PTPRT: variants seen among roughly 807,000 people sequenced by gnomAD.
The protein encoded by PTPRT is receptor-type tyrosine-protein phosphatase T.
Under a neutral mutation model 176.8 loss-of-function variants are expected in PTPRT, and 56 were observed. That is an observed-to-expected ratio of 0.32 (90% confidence interval 0.26 to 0.40). PTPRT has a LOEUF of 0.40. Ranked by LOEUF, PTPRT falls within the 10% of genes least tolerant of loss-of-function variation. PTPRT has a pLI of 1.00. For missense variants in PTPRT, 1,540 were observed against 1,908.2 expected (o/e 0.81, Z 3.60); for synonymous variants, 783 against 739.0 (o/e 1.06, Z -0.96).
At chr20:42,998,356 G>A (rs909533764) in intron 1 of PTPRT, among the ~76,000 whole-genome samples, 7 of 151,986 alleles carry the variant, frequency 4.6e-5, no homozygotes, top group Admixed American at 2.0e-4. Flanking sequence ...ATGATTCTGC[G>A]GTAAGCTGAG....
intron 27 of PTPRT, among the ~76,000 whole-genome samples, chr20:42,091,718 T>G (rs1265492647): frequency 3.3e-5 from 5 of 152,162 alleles, no homozygotes; most frequent in African/African-American, 9.7e-5. Flanking sequence ...TATAATTGGC[T>G]TTGATACTAT....
At chr20:42,870,642 T>C (rs1270510714) in intron 2 of PTPRT, among the ~76,000 whole-genome samples, 1 of 152,262 alleles carries the variant, frequency 6.6e-6, no homozygotes, top group Non-Finnish European at 1.5e-5. Flanking sequence ...CACACAATGA[T>C]GAAATTGCAT....
At chr20:42,738,773 A>C (rs543455488) in intron 6 of PTPRT, among the ~76,000 whole-genome samples, 2 of 152,216 alleles carry the variant, frequency 1.3e-5, no homozygotes, top group Admixed American at 1.3e-4. Flanking sequence ...ATACTAATTT[A>C]ACAAAGTGGC....
intron 1 of PTPRT, among the ~76,000 whole-genome samples, chr20:42,975,163 T>C (rs1982875838): frequency 6.6e-6 from 1 of 152,202 alleles, no homozygotes; most frequent in Non-Finnish European, 1.5e-5. Flanking sequence ...TTGTTTTCCA[T>C]TGCTTTGAAA....
At position 42,456,763 on chromosome 20, in the gene PTPRT, A is replaced by AT. The variant is rs1229583564; in HGVS notation, c.1451-8435dup. ...ATATTTTGTTTAGGTATTTGCATAC[A>AT]TTTTTTTCTCATAAGCTTTTCTGCT... On this transcript the variant is annotated intron_variant, in intron 8 of 30. Transcript: ENST00000373187. 2.0e-5 allele frequency among the ~76,000 whole-genome samples: 3 copies of AT among 152,128 alleles called. No homozygotes were observed. In the East Asian group the frequency reaches 5.8e-4, roughly 29 times the overall value.
intron 7 of PTPRT, among the ~76,000 whole-genome samples, chr20:42,677,563 T>C (rs1287834959): frequency 1.3e-5 from 2 of 152,110 alleles, no homozygotes. Context: ...ACAGAGCCAG[T>C]GTGTCTCATC....
chr20:42,926,422 G>C (rs763857174), intron 1 of PTPRT, among the ~76,000 whole-genome samples: 3 of 152,158 alleles, frequency 2.0e-5, no homozygotes. Flanking sequence ...GCAACTCTTA[G>C]TGCAATTCAC....
chr20:42,479,362 T>A (rs2071342839), intron 7 of PTPRT, among the ~76,000 whole-genome samples: 2 of 152,286 alleles, frequency 1.3e-5, no homozygotes, highest in South Asian at 4.1e-4. Context: ...GCAATTTGAG[T>A]TCTTTTCAAA....
chr20:43,051,100 T>C (rs370208509), intron 1 of PTPRT, among the ~76,000 whole-genome samples: 4 of 152,098 alleles, frequency 2.6e-5, no homozygotes, highest in South Asian at 2.1e-4. Flanking sequence ...AGAACCAAGA[T>C]ATGGAGAGGT....
At chr20:42,035,986 G>A in the PTPRT span, among the ~76,000 whole-genome samples, 2 of 152,186 alleles carry the variant, frequency 1.3e-5, no homozygotes, top group South Asian at 2.1e-4. Flanking sequence ...GAAGATAACA[G>A]GACAAACTAT....
chr20:42,392,358 T>C (rs1006801697), intron 9 of PTPRT, among the ~76,000 whole-genome samples: 3 of 152,176 alleles, frequency 2.0e-5, no homozygotes, highest in Non-Finnish European at 4.4e-5. Flanking sequence ...TAATAGGTTT[T>C]GATAAGAAAA....
chr20:42,684,781 T>G (rs578215232), intron 6 of PTPRT, among the ~76,000 whole-genome samples: 53 of 152,110 alleles, frequency 3.5e-4, no homozygotes, highest in African/African-American at 1.3e-3. Flanking sequence ...ATAACAGATA[T>G]CTATCAAAAC....
intron 6 of PTPRT, among the ~76,000 whole-genome samples, chr20:42,749,296 C>T (rs2076736280): frequency 6.6e-6 from 1 of 152,152 alleles, no homozygotes. Flanking sequence ...ATGTCACCCA[C>T]TCAGTGTCTC....
Position 43,051,911 on chromosome 20 carries a change from CA to C in PTPRT, c.88+137734del, listed in dbSNP as rs377141088. ...AGGGAACCAAAATGAAAACAATTAT[CA>C]AAAAAAATTACTTGAAAATGTAGCA... On this transcript the variant is annotated intron_variant, in intron 1 of 30. Transcript: ENST00000373187. Among the ~76,000 whole-genome samples, 101 of 151,738 alleles carry C rather than the reference CA, an allele frequency of 6.7e-4. No homozygotes were observed. In the East Asian group the frequency reaches 0.016, roughly 24 times the overall value.
At chr20:42,484,594 G>A (rs1438223448) in intron 7 of PTPRT, among the ~76,000 whole-genome samples, 1 of 152,210 alleles carries the variant, frequency 6.6e-6, no homozygotes, top group African/African-American at 2.4e-5. Flanking sequence ...GCCCCTTCAA[G>A]TAGTCATTTG....
chr20:42,114,789 T>G (rs1274658268), intron 22 of PTPRT, among the ~76,000 whole-genome samples: 1 of 152,156 alleles, frequency 6.6e-6, no homozygotes, highest in African/African-American at 2.4e-5. Context: ...CTTTTTCCCC[T>G]CCAGACTGCA....
chr20:42,744,629 C>T (rs561875893), intron 6 of PTPRT, among the ~76,000 whole-genome samples: 2 of 152,262 alleles, frequency 1.3e-5, no homozygotes, highest in East Asian at 3.9e-4. Context: ...GGCTTAGTAG[C>T]TTAACACAAT....
intron 25 of PTPRT, among the ~76,000 whole-genome samples, 153 bp from the exon 26 acceptor site, chr20:42,102,450 G>A (rs537602809): frequency 1.7e-4 from 26 of 152,242 alleles, no homozygotes; most frequent in Admixed American, 1.6e-3. Context: ...TCTCTTCCAC[G>A]GTGATGTTCT....
chr20:42,577,406 C>T (rs576155611), intron 7 of PTPRT, among the ~76,000 whole-genome samples: 2 of 152,290 alleles, frequency 1.3e-5, no homozygotes, highest in African/African-American at 4.8e-5. Context: ...GCTGCAGGCT[C>T]TTCCAAGGGA....
Sources: allele counts gnomAD v4.1 joint callset (sites outside exome capture counted in the v4.1 genomes callset), GRCh38; gene constraint gnomAD v4.1.1; transcripts MANE v1.5; gene names NCBI Gene and HGNC (gene_info 2026-07-23, HGNC 2026-07-21).